The following ZNF701 variants were observed in gnomAD, a reference collection of about 807,000 sequenced individuals.
ZNF701 encodes the protein zinc finger protein 701.
In ZNF701, 6 loss-of-function variants were observed where a neutral mutation model predicts 7.1. The ratio of observed to expected loss-of-function variants is 0.84; its 90% confidence interval spans 0.46 to 1.66. The LOEUF is 1.66. ZNF701 is among the 40% of genes most tolerant of loss of function. ZNF701 has a pLI of 0.01. For synonymous variants in ZNF701, 166 were observed against 188.2 expected, an observed-to-expected ratio of 0.88 and a Z score of 0.97; for missense variants, 541 against 559.2, an observed-to-expected ratio of 0.97 and a Z score of 0.33.
intron 2 of ZNF701, among the ~76,000 whole-genome samples, chr19:52,575,036 C>A (rs986669348): frequency 6.6e-6 from 1 of 152,216 alleles, no homozygotes; most frequent in Non-Finnish European, 1.5e-5. Flanking sequence ...GTGGCACGAT[C>A]TCCGCTCACT....
the ZNF701 span, among the ~76,000 whole-genome samples, chr19:52,599,443 C>T: frequency 6.6e-6 from 1 of 152,170 alleles, no homozygotes; most frequent in South Asian, 2.1e-4. Context: ...GGTGCAACTT[C>T]TAAGAGTTTT....
chr19:52,590,560 C>A (rs2060033069), downstream of ZNF701, among the ~76,000 whole-genome samples: 1 of 152,060 alleles, frequency 6.6e-6, no homozygotes, highest in Admixed American at 6.6e-5. Context: ...TTTATGATTT[C>A]TTGAAGCTGT....
At chr19:52,578,063 G>C (rs1406116899) in intron 3 of ZNF701, among the ~76,000 whole-genome samples, 1 of 151,772 alleles carries the variant, frequency 6.6e-6, no homozygotes, top group East Asian at 1.9e-4. Flanking sequence ...GACCATCCTG[G>C]CTAACATGGT....
intron 1 of ZNF701, chr19:52,572,423 T>G (rs957333424): frequency 2.3e-6 from 3 of 1,277,254 alleles, no homozygotes; most frequent in African/African-American, 3.1e-5. Context: ...TGTAATTTTC[T>G]TGTGAGGAAG....
In ZNF701 at chr19:52,585,800, G is replaced by C. The variant is rs1337671124; in HGVS notation, c.*2343G>C. 6.6e-6 allele frequency: 1 copy of C among 152,298 alleles called. No individual in the cohort carries two copies. Among genetic ancestry groups the C allele is most frequent in the African/African-American group, 2.4e-5 (1 of 41,472 alleles). 9.4% of individuals were successfully genotyped at this position (152,298 alleles called of 1,614,324 possible). A position where few individuals can be genotyped will look rare whatever the true frequency, so the allele number is the denominator to read the frequency against. ...ATTGGCCTGAGGCCAGAGCAGATGG[G>C]TGCCCTATGCAGATGAAGGGGTGGC... On this transcript the variant is annotated 3_prime_UTR_variant, in exon 4 of 4. Transcript: ENST00000391785.
Position 52,570,347 on chromosome 19 carries a change from GTTGTA to G in ZNF701, c.-72+20_-72+24del, listed in dbSNP as rs534362021. On this transcript the variant is annotated intron_variant, in intron 1 of 3. Coordinates refer to ENST00000391785, the MANE Select transcript of ZNF701 (RefSeq NM_018260.3). ...ACCGCGGCGGTGAGTTTTGCTCTGTGTTGTATTAAGTCTGCACTCCCCATATCCCC... is the reference window on the plus strand; with the variant it reads ...ACCGCGGCGGTGAGTTTTGCTCTGTGTTAAGTCTGCACTCCCCATATCCCC... 7.9e-3 allele frequency: 1,220 copies of G among 153,578 alleles called. 18 individuals carry two copies. Among genetic ancestry groups the G allele is most frequent in the Non-Finnish European group, 8.4e-3 (576 of 68,598 alleles). 9.5% of individuals were successfully genotyped at this position (153,578 alleles called of 1,614,324 possible). A position where few individuals can be genotyped will look rare whatever the true frequency, so the allele number is the denominator to read the frequency against.
intron 2 of ZNF701, among the ~76,000 whole-genome samples, chr19:52,574,993 G>C (rs140686301): frequency 6.6e-6 from 1 of 151,960 alleles, no homozygotes; most frequent in East Asian, 1.9e-4. Context: ...TTTTCGAGAC[G>C]GAGTCTCGCT....
chr19:52,582,173 T>G, intron 3 of ZNF701, 29 bp from the exon 4 acceptor site: 1 of 1,528,776 alleles, frequency 6.5e-7, no homozygotes. Flanking sequence ...GTACTTAATT[T>G]GAAACCTATT....
intron 3 of ZNF701, among the ~76,000 whole-genome samples, chr19:52,579,547 CTTAAAG>C (rs2059961997): frequency 8.5e-6 from 1 of 118,050 alleles, no homozygotes; most frequent in Non-Finnish European, 1.7e-5. Flanking sequence ...AAAAAAAAAT[CTTAAAG>C]TTATAGCATA....
downstream of ZNF701, among the ~76,000 whole-genome samples, chr19:52,591,628 A>G (rs1004387646): frequency 1.8e-4 from 27 of 151,980 alleles, no homozygotes; most frequent in African/African-American, 6.5e-4. Context: ...ACCTGGGATT[A>G]GAGGTGGGCA....
chr19:52,582,852 A>G lies in ZNF701; in HGVS notation c.793A>G (p.Thr265Ala), dbSNP rs1432513278. 5 of 1,614,056 alleles carry G rather than the reference A, an allele frequency of 3.1e-6. No individual in the cohort carries two copies. Among genetic ancestry groups the G allele is most frequent in the Non-Finnish European group, 4.2e-6 (5 of 1,179,996 alleles). The change falls in exon 4 of 4, where the codon ACT (threonine) becomes GCT (alanine). Residue 265 changes from threonine (T) to alanine (A), a missense_variant. By Grantham distance (58) the Thr-to-Ala change is moderately conservative. Transcript: ENST00000391785. ...KRYLACHRCH[T>A]GENPYTCNEC... ...ATACCTTGCATGCCATAGATGTCAC[A>G]CTGGTGAGAATCCTTACACGTGTAA...
chr19:52,598,088 G>C, the ZNF701 span: 1 of 152,176 alleles, frequency 6.6e-6, no homozygotes, highest in African/African-American at 2.4e-5. Flanking sequence ...GGGACTACAG[G>C]CGCCCGCCAC....
the ZNF701 span, among the ~76,000 whole-genome samples, chr19:52,593,195 C>A: frequency 5.9e-5 from 7 of 118,138 alleles, 2 homozygotes; most frequent in South Asian, 1.7e-3. Context: ...ACACAGACAC[C>A]ACAACCATCC....
intron 3 of ZNF701, among the ~76,000 whole-genome samples, chr19:52,578,799 C>G (rs564757892): frequency 1.4e-4 from 22 of 152,286 alleles, no homozygotes; most frequent in African/African-American, 4.1e-4. Flanking sequence ...GCTCTGTCGC[C>G]CAGGCTGGAG....
rs58385761 is a variant in ZNF701, at chr19:52,578,253, CAAAAA to C, written c.142+2253_142+2257del. ...TGGGCGACAGAGTGAGACTCCGTCT[CAAAAA>C]AAAAAAAAAAAAAAAAAAAAGAAGT... On this transcript the variant is annotated intron_variant, in intron 3 of 3. Coordinates refer to ENST00000391785, the MANE Select transcript of ZNF701 (RefSeq NM_018260.3). Among the ~76,000 whole-genome samples the C allele has an allele frequency of 1.7e-4, 7 of 40,926 alleles. No individual in the cohort carries two copies. In the East Asian group the frequency reaches 3.5e-3, roughly 20 times the overall value. 26.8% of individuals were successfully genotyped at this position (40,926 alleles called of 152,430 possible).
At chr19:52,572,622 A>T (rs558523128) in intron 1 of ZNF701, 1 of 347,520 alleles carries the variant, frequency 2.9e-6, no homozygotes, top group African/African-American at 2.2e-5. Context: ...TCTCAGCGTG[A>T]CTCGGTGAAA....
At position 52,584,078 on chromosome 19, in the gene ZNF701, C is replaced by A; in HGVS notation, c.*621C>A. ...GTGAGCAAAGCCTTTACTTCACGTT[C>A]ACACCACATTAGATATCAGAGGATC... On this transcript the variant is annotated 3_prime_UTR_variant, in exon 4 of 4. Coordinates refer to ENST00000391785, the MANE Select transcript of ZNF701 (RefSeq NM_018260.3). 2 of 443,720 alleles carry A rather than the reference C, an allele frequency of 4.5e-6. No homozygotes were observed. The highest frequency in any genetic ancestry group is 3.3e-5 in the South Asian group (2 of 59,938). 27.5% of individuals were successfully genotyped at this position (443,720 alleles called of 1,614,324 possible).
At chr19:52,571,974 C>T (rs576116383) in intron 1 of ZNF701, among the ~76,000 whole-genome samples, 2 of 152,196 alleles carry the variant, frequency 1.3e-5, no homozygotes, top group East Asian at 1.9e-4. Context: ...CAGGCATGTG[C>T]CACCACACCA....
chr19:52,588,383 G>A (rs939188479), downstream of ZNF701: 11 of 156,168 alleles, frequency 7.0e-5, no homozygotes, highest in Non-Finnish European at 1.6e-4. Flanking sequence ...CTACTTAAGA[G>A]GCTGAGGCAG....
Sources: allele counts gnomAD v4.1 joint callset (sites outside exome capture counted in the v4.1 genomes callset), GRCh38; gene constraint gnomAD v4.1.1; transcripts MANE v1.5; gene names NCBI Gene and HGNC (gene_info 2026-07-23, HGNC 2026-07-21).